IL34: variants seen among roughly 807,000 people sequenced by gnomAD.
IL34 encodes interleukin-34.
Under a neutral mutation model 25.3 loss-of-function variants are expected in IL34, and 17 were observed. That is an observed-to-expected ratio of 0.67 (90% CI 0.46 to 1.01). The LOEUF is 1.01. IL34 is among the 50% of genes least tolerant of loss of function. The pLI is 0.00. For synonymous variants in IL34, 174 were observed against 140.9 expected (o/e 1.23, Z -1.66); for missense variants, 368 against 312.9 (o/e 1.18, Z -1.33).
intron 1 of IL34, among the ~76,000 whole-genome samples, chr16:70,597,673 T>C (rs2050843917): frequency 6.6e-6 from 1 of 152,246 alleles, no homozygotes; most frequent in Non-Finnish European, 1.5e-5. Context: ...CAGAATGTGT[T>C]TTCTTACATG....
chr16:70,602,583 A>ATATGTGTGTGTG (rs1555503166), intron 1 of IL34, among the ~76,000 whole-genome samples: 1 of 134,960 alleles, frequency 7.4e-6, no homozygotes, highest in South Asian at 2.5e-4. Context: ...TTTGGAATTG[A>ATATGTGTGTGTG]TGTGTGTGTG....
rs1398117096 is a variant in IL34 at position 70,650,485 on chromosome 16, C to T, written c.28+3510C>T. ...GGCCACAGCTGCCGGGTCCCCAGGG[C>T]CCCAGAACGGGACACAGAGAAGGGC... On this transcript the variant is annotated intron_variant, in intron 1 of 5. Transcript: ENST00000288098. Among the ~76,000 whole-genome samples, 4 of 152,080 alleles carry T rather than the reference C, an allele frequency of 2.6e-5. No individual in the cohort carries two copies. The East Asian group carries it at 7.7e-4, about 29-fold the overall frequency.
At chr16:70,635,843 A>G (rs1288293772) in intron 1 of IL34, among the ~76,000 whole-genome samples, 3 of 152,176 alleles carry the variant, frequency 2.0e-5, no homozygotes, top group African/African-American at 4.8e-5. Flanking sequence ...ACTGTATGCC[A>G]GCTCATGTTC....
chr16:70,622,884 T>C (rs1167218890), intron 1 of IL34, among the ~76,000 whole-genome samples: 2 of 152,088 alleles, frequency 1.3e-5, no homozygotes, highest in Admixed American at 6.6e-5. Flanking sequence ...ACCCGCTGTA[T>C]GCAGACATGA....
intron 1 of IL34, among the ~76,000 whole-genome samples, chr16:70,621,618 C>A (rs1056452783): frequency 6.6e-6 from 1 of 152,096 alleles, no homozygotes; most frequent in Admixed American, 6.5e-5. Context: ...ATTTCATGCG[C>A]GTCCGTGTGA....
chr16:70,642,670 C>T (rs2051814302), upstream of IL34, among the ~76,000 whole-genome samples: 1 of 152,178 alleles, frequency 6.6e-6, no homozygotes, highest in African/African-American at 2.4e-5. Context: ...ACCTAATTAT[C>T]TCCCAAGGCC....
chr16:70,614,851 A>C (rs557054376), intron 1 of IL34, among the ~76,000 whole-genome samples: 1 of 152,216 alleles, frequency 6.6e-6, no homozygotes, highest in Non-Finnish European at 1.5e-5. Context: ...GCTGGGGTAG[A>C]TCTTGTAGGT....
intron 1 of IL34, among the ~76,000 whole-genome samples, chr16:70,581,992 A>AAGCATCT (rs2050640690): frequency 6.6e-6 from 1 of 152,192 alleles, no homozygotes; most frequent in African/African-American, 2.4e-5. Context: ...CCTGTTTGTG[A>AAGCATCT]AGCATCTAGC....
chr16:70,635,845 C>T (rs192630114), intron 1 of IL34, among the ~76,000 whole-genome samples: 3 of 152,176 alleles, frequency 2.0e-5, no homozygotes, highest in East Asian at 3.9e-4. Flanking sequence ...TGTATGCCAG[C>T]TCATGTTCTA....
At chr16:70,656,753 C>T in intron 3 of IL34, 74 bp downstream of exon 3, 1 of 963,796 alleles carries the variant, frequency 1.0e-6, no homozygotes, top group Non-Finnish European at 1.7e-6. Flanking sequence ...CAGAGGCGCG[C>T]TGGGACTGGC....
intron 1 of IL34, among the ~76,000 whole-genome samples, chr16:70,590,548 C>A (rs1015999250): frequency 3.3e-5 from 5 of 152,072 alleles, no homozygotes; most frequent in Non-Finnish European, 7.4e-5. Context: ...GAGGGGGCAG[C>A]CGGGTGGGAA....
chr16:70,582,262 C>T (rs2050643701), intron 1 of IL34, among the ~76,000 whole-genome samples: 1 of 152,268 alleles, frequency 6.6e-6, no homozygotes, highest in African/African-American at 2.4e-5. Flanking sequence ...GCTTTCATCC[C>T]CCTCTGTTGT....
At chr16:70,659,395 A>G (rs532591875) in intron 4 of IL34, among the ~76,000 whole-genome samples, 50 of 152,306 alleles carry the variant, frequency 3.3e-4, no homozygotes, top group African/African-American at 1.0e-3. Context: ...AAGGATGGAA[A>G]AGCGAAGCCT....
chr16:70,587,306 G>A (rs2050706228), intron 1 of IL34, among the ~76,000 whole-genome samples: 2 of 152,016 alleles, frequency 1.3e-5, no homozygotes, highest in East Asian at 1.9e-4. Flanking sequence ...GTCTCACTCT[G>A]TTGCCCAGGC....
At chr16:70,588,259 G>A (rs1367396616) in intron 1 of IL34, among the ~76,000 whole-genome samples, 1 of 152,094 alleles carries the variant, frequency 6.6e-6, no homozygotes, top group Non-Finnish European at 1.5e-5. Context: ...GCTGAGGTGG[G>A]TGGATCACCT....
Position 70,660,103 on chromosome 16 carries a change from G to A in IL34, c.645G>A (p.Pro215=), listed in dbSNP as rs762466829. The change falls in exon 6 of 6, where the codon CCG becomes CCA. Residue 215 remains proline, a synonymous_variant. Coordinates refer to ENST00000288098, the MANE Select transcript of IL34 (RefSeq NM_001393494.1). ...LQYAATQLYP[P]PPWSPSSPPH... is the part of the protein sequence containing the mutation. Reference sequence around the variant, plus strand: ...ATGCGGCCACCCAGCTGTACCCTCCGCCCCCGTGGTCCCCCAGCTCCCCGC... The same window carrying A: ...ATGCGGCCACCCAGCTGTACCCTCCACCCCCGTGGTCCCCCAGCTCCCCGC... The A allele has an allele frequency of 2.0e-5, 33 of 1,613,164 alleles. No homozygotes were observed. Among genetic ancestry groups the A allele is most frequent in the Admixed American group, 3.3e-5 (2 of 59,934 alleles).
intron 1 of IL34, among the ~76,000 whole-genome samples, chr16:70,587,565 C>T (rs1370533953): frequency 6.6e-6 from 1 of 152,038 alleles, no homozygotes; most frequent in East Asian, 1.9e-4. Context: ...GCCACCGCGC[C>T]CCGCTGACAG....
At chr16:70,597,242 A>G (rs2151813785) in intron 1 of IL34, among the ~76,000 whole-genome samples, 1 of 149,176 alleles carries the variant, frequency 6.7e-6, no homozygotes, top group East Asian at 2.0e-4. Flanking sequence ...TTTTTTGGAG[A>G]CAGTGTCTTG....
Position 70,650,879 on chromosome 16 carries a change from A to T in IL34, c.29-3659A>T, listed in dbSNP as rs59865481. 2.6e-5 allele frequency among the ~76,000 whole-genome samples: 4 copies of T among 152,014 alleles called. No homozygotes were observed. In the South Asian group the frequency reaches 8.3e-4, roughly 31 times the overall value. On this transcript the variant is annotated intron_variant, in intron 1 of 5. Coordinates refer to ENST00000288098, the MANE Select transcript of IL34 (RefSeq NM_001393494.1). ...CTGCTTGAGGCGAATCCCCAAATGC[A>T]CATGTGAAGTTCTCAGCACGCTGGG...
Sources: gnomAD v4.1 joint callset for allele counts (sites outside exome capture counted in the v4.1 genomes callset) on GRCh38, gnomAD v4.1.1 for gene constraint, MANE v1.5 for transcripts, NCBI Gene and HGNC (gene_info 2026-07-23, HGNC 2026-07-21) for gene names.